NLRC5: variants seen among roughly 807,000 people sequenced by gnomAD.
NLRC5 encodes the protein NLR family CARD domain containing 5.
NLRC5 carries 114 observed loss-of-function variants against 206.9 expected under a neutral mutation model. The observed-to-expected ratio is 0.55, with a 90% confidence interval of 0.47 to 0.64. NLRC5 has a LOEUF of 0.64. Among genes scored for constraint, NLRC5 ranks in the 30% least tolerant of loss-of-function variants. The pLI is 0.00. For missense variants in NLRC5, 2,008 were observed against 2,305.5 expected, an observed-to-expected ratio of 0.87 and a Z score of 2.64; for synonymous variants, 952 against 962.8, an observed-to-expected ratio of 0.99 and a Z score of 0.21.
At chr16:57,037,458 G>A (rs1321602051) in intron 15 of NLRC5, among the ~76,000 whole-genome samples, 174 bp downstream of exon 15, 1 of 152,112 alleles carries the variant, frequency 6.6e-6, no homozygotes, top group East Asian at 1.9e-4. Flanking sequence ...GATATAGGCT[G>A]CTCATGGTTT....
At chr16:57,048,715 G>A (rs898427197) in intron 23 of NLRC5, among the ~76,000 whole-genome samples, 3 of 152,130 alleles carry the variant, frequency 2.0e-5, no homozygotes, top group Admixed American at 2.0e-4. Flanking sequence ...TGTATTTTTA[G>A]TAGAGGCAGG....
rs2064915339 is a variant in NLRC5 at position 57,051,631 on chromosome 16, G to C, written c.3506+10G>C. 6 of 1,609,742 alleles carry C rather than the reference G, an allele frequency of 3.7e-6. No individual in the cohort carries two copies. ...AGCTGAGCCTGCTGCAGTAAGACGA[G>C]AGTTTTTCCTATTTCCCGGTTCCTT... On this transcript the variant is annotated intron_variant, in intron 24 of 48. Transcript: ENST00000688547.
intron 39 of NLRC5, among the ~76,000 whole-genome samples, chr16:57,075,774 C>T (rs27199): frequency 0.42 from 64,447 of 152,000 alleles, 15,191 homozygotes; most frequent in East Asian, 0.63. Context: ...CCAAGTACAC[C>T]TCCTACCCCC....
intron 1 of NLRC5, among the ~76,000 whole-genome samples, chr16:57,006,848 T>G (rs13332455): frequency 6.6e-6 from 1 of 151,272 alleles, no homozygotes; most frequent in Non-Finnish European, 1.5e-5. Context: ...CATGTATTTG[T>G]ATACACATTT....
intron 1 of NLRC5, chr16:56,992,044 A>C (rs1462648331): frequency 6.6e-6 from 1 of 152,238 alleles, no homozygotes; most frequent in African/African-American, 2.4e-5. Flanking sequence ...GGGATCAGAC[A>C]ATCATGGACG....
chr16:56,997,263 C>T (rs926845684), intron 1 of NLRC5, among the ~76,000 whole-genome samples: 1 of 152,116 alleles, frequency 6.6e-6, no homozygotes, highest in African/African-American at 2.4e-5. Context: ...GGAAATATTG[C>T]TTGAGATTCT....
intron 29 of NLRC5, 24 bp downstream of exon 29, chr16:57,059,085 A>G (rs540895122): frequency 6.2e-7 from 1 of 1,613,536 alleles, no homozygotes; most frequent in African/African-American, 1.3e-5. Context: ...GGTCCCCGAA[A>G]AGCCCCTTTC....
chr16:56,990,838 G>A (rs1251562222), intron 1 of NLRC5: 1 of 152,096 alleles, frequency 6.6e-6, no homozygotes, highest in Non-Finnish European at 1.5e-5. Context: ...CTTTTCAGGT[G>A]TATCTAGACT....
intron 4 of NLRC5, among the ~76,000 whole-genome samples, chr16:57,022,971 A>G (rs1684573): frequency 1 from 151,695 of 152,378 alleles, 75,511 homozygotes; most frequent in Middle Eastern, 1. Context: ...TGGCATCATT[A>G]TCTCATGGCT....
At chr16:57,013,026 CAA>C (rs1567525845) in intron 1 of NLRC5, 1 of 171,690 alleles carries the variant, frequency 5.8e-6, no homozygotes, top group African/African-American at 2.4e-5. Context: ...TTTTATACTA[CAA>C]AGTGATACAA....
Position 57,025,440 on chromosome 16 carries a change from C to G in NLRC5, c.497C>G (p.Ser166Ter). The G allele has an allele frequency of 1.9e-6, 3 of 1,599,870 alleles. No individual in the cohort carries two copies. Among genetic ancestry groups the G allele is most frequent in the African/African-American group, 2.7e-5 (2 of 74,666 alleles). The change falls in exon 6 of 49, where the codon TCA (serine) becomes TGA (stop). Residue 166 changes from serine to a stop codon, truncating the protein, a stop_gained. Coordinates refer to ENST00000688547, the MANE Select transcript of NLRC5 (RefSeq NM_001384950.1). LOFTEE classifies it high-confidence loss of function. ...CGCTACAGGAGCCAAATCCCTGGGT[C>G]AGGGCAGCCCCACGCCTTCCACCAG... ...QQRYRSQIPG[S>*]GQPHAFHQVY...
At position 57,046,586 on chromosome 16, in the gene NLRC5, C is replaced by T; in HGVS notation, c.3283C>T (p.Pro1095Ser). 1.9e-6 allele frequency: 3 copies of T among 1,613,976 alleles called. No individual in the cohort carries two copies. Among genetic ancestry groups the T allele is most frequent in the Non-Finnish European group, 2.5e-6 (3 of 1,179,912 alleles). The change falls in exon 22 of 49, where the codon CCA becomes TCA. Residue 1095 changes from proline to serine, a missense_variant. Coordinates refer to ENST00000688547, the MANE Select transcript of NLRC5 (RefSeq NM_001384950.1). ...MWATGSLPDFPAAAKFLGFRQ... is the reference protein window; with the variant it reads ...MWATGSLPDFSAAAKFLGFRQ... ...GGCCACTGGATCTTTGCCAGACTTC[C>T]CAGCTGCAGCCAAGTTCTTAGGGTT... is the stretch of plus-strand genomic sequence containing the variant.
rs1423130041 is a variant in NLRC5 at position 57,055,510 on chromosome 16, G to A, written c.3737G>A (p.Ser1246Asn). The A allele has an allele frequency of 1.2e-6, 2 of 1,613,338 alleles. No homozygotes were observed. The highest frequency in any genetic ancestry group is 1.7e-5 in the Admixed American group (1 of 59,982). The part of the protein sequence containing the change: ...CWLLSKCKDL[S>N]QVDLSANLLG... ...TTGCTGAGCAAGTGTAAAGACCTCA[G>A]CCAGGTGGAGTAAGTTGAGGGAGGA... Residue 1246 changes from serine to asparagine, a missense_variant, in exon 27 of 49, where the codon AGC (serine) becomes AAC (asparagine). Coordinates refer to ENST00000688547, the MANE Select transcript of NLRC5 (RefSeq NM_001384950.1).
chr16:57,019,161 G>T (rs557481555), intron 2 of NLRC5, among the ~76,000 whole-genome samples: 1 of 152,148 alleles, frequency 6.6e-6, no homozygotes, highest in Non-Finnish European at 1.5e-5. Context: ...TTGGGAGGCC[G>T]AGGTGGGCAG....
intron 46 of NLRC5, among the ~76,000 whole-genome samples, chr16:57,080,276 A>T (rs1321434998): frequency 6.6e-6 from 1 of 152,206 alleles, no homozygotes; most frequent in Non-Finnish European, 1.5e-5. Flanking sequence ...GTCTCAGATC[A>T]GTGGTAATTC....
At chr16:56,992,264 C>T (rs575025618) in intron 1 of NLRC5, 91 of 152,264 alleles carry the variant, frequency 6.0e-4, no homozygotes, top group African/African-American at 2.2e-3. Context: ...GCTTGTGGCA[C>T]TTTGTGACAG....
rs780264766 is a variant in NLRC5 at position 57,040,693 on chromosome 16, C to G, written c.2914C>G (p.Leu972Val). Residue 972 changes from leucine to valine, a missense_variant, in exon 17 of 49, where the codon CTG becomes GTG. Physicochemically the swap from Leu to Val is conservative, Grantham distance 32. Coordinates refer to ENST00000688547, the MANE Select transcript of NLRC5 (RefSeq NM_001384950.1). ...DSLMLQMPSE[L>V]PLSSRRMRLT... ...CCTCATGCTCCAGATGCCCTCTGAG[C>G]TGCCTCTGAGCTCCCGAAGGATGAG... 2.5e-6 allele frequency: 4 copies of G among 1,614,066 alleles called. No homozygotes were observed. Among genetic ancestry groups the G allele is most frequent in the Non-Finnish European group, 2.5e-6 (3 of 1,180,018 alleles).
chr16:57,049,102 T>C (rs1396039992), intron 23 of NLRC5, among the ~76,000 whole-genome samples: 1 of 151,252 alleles, frequency 6.6e-6, no homozygotes, highest in Admixed American at 6.6e-5. Flanking sequence ...CGATAGCTGA[T>C]GTGCTAAAAA....
chr16:57,007,178 G>A lies in NLRC5; in HGVS notation c.-127-9896G>A, dbSNP rs541680368. ...GGCCCAGATCCCTCCTCAGACACAAGCCTGTCGTCAGTTTCCTGTGTAGCT... is the reference window on the plus strand; with the variant it reads ...GGCCCAGATCCCTCCTCAGACACAAACCTGTCGTCAGTTTCCTGTGTAGCT... On this transcript the variant is annotated intron_variant, in intron 1 of 48. Coordinates refer to ENST00000688547, the MANE Select transcript of NLRC5 (RefSeq NM_001384950.1). Among the ~76,000 whole-genome samples, 8 of 152,246 alleles carry A rather than the reference G, an allele frequency of 5.3e-5. No homozygotes were observed. In the South Asian group the frequency reaches 1.7e-3, roughly 32 times the overall value.
Sources: gnomAD v4.1 joint callset for allele counts (sites outside exome capture counted in the v4.1 genomes callset) on GRCh38, gnomAD v4.1.1 for gene constraint, MANE v1.5 for transcripts, NCBI Gene and HGNC (gene_info 2026-07-23, HGNC 2026-07-21) for gene names.